Variants in LHFPL3 observed in about 807,000 individuals in gnomAD.
The protein encoded by LHFPL3 is LHFPL tetraspan subfamily member 3.
LHFPL3 carries 5 observed loss-of-function variants against 19.3 expected under a neutral mutation model. The ratio of observed to expected loss-of-function variants is 0.26; its 90% CI spans 0.14 to 0.54. The LOEUF (loss-of-function observed/expected upper bound fraction) is 0.54, where lower values mean the gene tolerates loss of function less well. Among genes scored for constraint, LHFPL3 ranks in the 20% least tolerant of loss-of-function variants. LHFPL3 has a pLI of 0.94. For synonymous variants in LHFPL3, 133 were observed against 126.2 expected, an observed-to-expected ratio of 1.05 and a Z score of -0.36; for missense variants, 249 against 307.4, an observed-to-expected ratio of 0.81 and a Z score of 1.42.
intron 1 of LHFPL3, among the ~76,000 whole-genome samples, chr7:104,603,070 CTTTCTTTCTTTCTTTCTTTCTTTCTT>C: frequency 1.7e-5 from 1 of 58,718 alleles, no homozygotes; most frequent in Admixed American, 1.4e-4. Flanking sequence ...CTTTCTTTTT[CTTTCTTTCTTTCTTTCTTTCTTTCTT>C]TCTTTCTTTC....
At chr7:104,834,987 A>ATTCT (rs923869024) in intron 2 of LHFPL3, among the ~76,000 whole-genome samples, 2 of 151,874 alleles carry the variant, frequency 1.3e-5, no homozygotes, top group African/African-American at 4.9e-5. Context: ...TCTTTTTGTC[A>ATTCT]TTCTTTCTTC....
At chr7:104,870,316 A>C (rs1791808541) in intron 2 of LHFPL3, among the ~76,000 whole-genome samples, 1 of 152,186 alleles carries the variant, frequency 6.6e-6, no homozygotes, top group Non-Finnish European at 1.5e-5. Context: ...GGCTAACCAC[A>C]TGAGATCTGG....
chr7:104,419,905 C>A (rs1562891594), intron 1 of LHFPL3, among the ~76,000 whole-genome samples: 1 of 152,054 alleles, frequency 6.6e-6, no homozygotes, highest in Non-Finnish European at 1.5e-5. Context: ...CAGAAGTATC[C>A]CGGTTCTATC....
intron 2 of LHFPL3, among the ~76,000 whole-genome samples, chr7:104,755,068 T>A (rs796627353): frequency 2.6e-5 from 4 of 152,244 alleles, no homozygotes; most frequent in African/African-American, 9.6e-5. Flanking sequence ...CTTAAAGAGA[T>A]AATTATTTAT....
chr7:104,865,797 A>G (rs1393139167), intron 2 of LHFPL3, among the ~76,000 whole-genome samples: 1 of 152,226 alleles, frequency 6.6e-6, no homozygotes, highest in Non-Finnish European at 1.5e-5. Flanking sequence ...ATTGAAATGA[A>G]GGAAAAAATG....
chr7:104,845,494 ATGTTTTCTCCGC>A, intron 2 of LHFPL3: 1 of 1,509,798 alleles, frequency 6.6e-7, no homozygotes. Flanking sequence ...CTGTTCCCGC[ATGTTTTCTCCGC>A]TGTTTTCTGA....
intron 2 of LHFPL3, among the ~76,000 whole-genome samples, chr7:104,838,992 G>A (rs1275453472): frequency 1.3e-5 from 2 of 152,150 alleles, no homozygotes; most frequent in Non-Finnish European, 2.9e-5. Context: ...ATTTCCACCA[G>A]GGAATGAATT....
intron 1 of LHFPL3, among the ~76,000 whole-genome samples, chr7:104,594,385 A>G (rs1584426091): frequency 6.6e-6 from 1 of 152,180 alleles, no homozygotes; most frequent in Non-Finnish European, 1.5e-5. Context: ...TCTGGCTTGT[A>G]GGGTTTCTGC....
rs1790327176 is a variant in LHFPL3, at chr7:104,575,760, C to A, written c.446-160915C>A. Among the ~76,000 whole-genome samples, 4 of 152,094 alleles carry A rather than the reference C, an allele frequency of 2.6e-5. No homozygotes were observed. In the South Asian group the frequency reaches 8.3e-4, roughly 32 times the overall value. On this transcript the variant is annotated intron_variant, in intron 1 of 2. Coordinates refer to ENST00000424859, the MANE Select transcript of LHFPL3 (RefSeq NM_199000.3). ...TCTCCGGGCTCAGGTGATCCTCCCA[C>A]CTCAGCCTCCCAAAGTGCTGGGATT... is the stretch of plus-strand genomic sequence containing the variant.
chr7:104,599,119 T>C (rs978170697), intron 1 of LHFPL3, among the ~76,000 whole-genome samples: 3 of 152,254 alleles, frequency 2.0e-5, no homozygotes, highest in African/African-American at 4.8e-5. Flanking sequence ...AACTCACTTA[T>C]GATTCTTACA....
chr7:104,373,581 G>C (rs796631439), intron 1 of LHFPL3, among the ~76,000 whole-genome samples: 2 of 152,030 alleles, frequency 1.3e-5, no homozygotes, highest in Admixed American at 6.6e-5. Context: ...CAAGGTGGTC[G>C]GGGTACAGTT....
rs189897209 is a variant in LHFPL3, at chr7:104,622,222, C to T, written c.446-114453C>T. On this transcript the variant is annotated intron_variant, in intron 1 of 2. Transcript: ENST00000424859. ...GCTTGGGCTCAGCCAGTCCTCTCAC[C>T]GCTCAGCCTCCTGTGTATCTGGGAC... 3.7e-3 allele frequency among the ~76,000 whole-genome samples: 562 copies of T among 152,238 alleles called. 3 individuals are homozygous for T. The highest frequency in any genetic ancestry group is 6.4e-3 in the South Asian group (31 of 4,820).
At chr7:104,792,365 A>G (rs1790039346) in intron 2 of LHFPL3, among the ~76,000 whole-genome samples, 1 of 152,224 alleles carries the variant, frequency 6.6e-6, no homozygotes, top group Non-Finnish European at 1.5e-5. Flanking sequence ...TGTCTCACCC[A>G]ATTTAATCCA....
chr7:104,587,462 T>A (rs1480259712), intron 1 of LHFPL3, among the ~76,000 whole-genome samples: 2 of 152,242 alleles, frequency 1.3e-5, no homozygotes, highest in South Asian at 4.1e-4. Flanking sequence ...TCATTTTTTA[T>A]GGCTGCATAG....
chr7:104,643,191 G>A (rs1791868210), intron 1 of LHFPL3, among the ~76,000 whole-genome samples: 1 of 152,126 alleles, frequency 6.6e-6, no homozygotes, highest in South Asian at 2.1e-4. Flanking sequence ...CTCTATAGGA[G>A]GGCAGGCCTT....
chr7:104,334,744 G>T (rs971148703), intron 1 of LHFPL3, among the ~76,000 whole-genome samples: 3 of 152,142 alleles, frequency 2.0e-5, no homozygotes, highest in Non-Finnish European at 4.4e-5. Flanking sequence ...GCTTTCTGAT[G>T]TATAGGTAAT....
chr7:104,571,909 A>G (rs1441611440), intron 1 of LHFPL3, among the ~76,000 whole-genome samples: 1 of 152,160 alleles, frequency 6.6e-6, no homozygotes, highest in African/African-American at 2.4e-5. Flanking sequence ...TTATGTAAAC[A>G]CACACACACT....
intron 1 of LHFPL3, among the ~76,000 whole-genome samples, chr7:104,501,825 CTA>C (rs1793603216): frequency 6.6e-6 from 1 of 152,158 alleles, no homozygotes; most frequent in Non-Finnish European, 1.5e-5. Context: ...TATTCTGCAG[CTA>C]TGTTTAGACT....
chr7:104,369,605 A>C (rs375105440), intron 1 of LHFPL3, among the ~76,000 whole-genome samples: 2 of 152,148 alleles, frequency 1.3e-5, no homozygotes, highest in East Asian at 1.9e-4. Context: ...GAAACTCCTA[A>C]ACTATTTTCT....
Sources: allele counts gnomAD v4.1 joint callset (sites outside exome capture counted in the v4.1 genomes callset), GRCh38; gene constraint gnomAD v4.1.1; transcripts MANE v1.5; gene names NCBI Gene and HGNC (gene_info 2026-07-23, HGNC 2026-07-21).